Variants in IGSF11 observed in about 807,000 individuals in gnomAD.
IGSF11 encodes immunoglobulin superfamily member 11, also known as CXADR like 1.
Under a neutral mutation model 41.0 loss-of-function variants are expected in IGSF11, and 22 were observed. The ratio of observed to expected loss-of-function variants is 0.54; its 90% CI spans 0.38 to 0.77. The LOEUF is 0.77. Among genes scored for constraint, IGSF11 ranks in the 30% least tolerant of loss-of-function variants. IGSF11 has a pLI of 0.00. For missense variants in IGSF11, 444 were observed against 530.8 expected (o/e 0.84, Z 1.61); for synonymous variants, 219 against 201.3 (o/e 1.09, Z -0.74).
intron 1 of IGSF11, among the ~76,000 whole-genome samples, chr3:119,140,104 A>G (rs1422378799): frequency 1.3e-5 from 2 of 152,126 alleles, no homozygotes; most frequent in African/African-American, 4.8e-5. Context: ...CAAAAAATAT[A>G]TGACATATAT....
At chr3:119,001,471 T>C (rs1936842746) in intron 1 of IGSF11, among the ~76,000 whole-genome samples, 1 of 146,872 alleles carries the variant, frequency 6.8e-6, no homozygotes, top group Non-Finnish European at 1.5e-5. Context: ...GGTTTTCTTT[T>C]TTTTTTTTTT....
rs1293190180 is a variant in IGSF11 at position 119,092,588 on chromosome 3, C to T, written c.49+12556G>A. 3.9e-5 allele frequency among the ~76,000 whole-genome samples: 6 copies of T among 152,190 alleles called. No homozygotes were observed. In the East Asian group the frequency reaches 1.2e-3, roughly 29 times the overall value. ...CAGGTGATCCACTCCTCTCAGCCTC[C>T]CAAAGTGCGGGGATTACAGGAATGA... On this transcript the variant is annotated intron_variant, in intron 1 of 6. Coordinates refer to the IGSF11 transcript ENST00000354673.
intron 1 of IGSF11, among the ~76,000 whole-genome samples, chr3:119,100,501 G>A (rs138277427): frequency 3.0e-4 from 46 of 152,266 alleles, no homozygotes; most frequent in East Asian, 1.9e-3. Context: ...ATTCCCATAC[G>A]TTGCCTACTT....
intron 1 of IGSF11, among the ~76,000 whole-genome samples, chr3:118,980,688 G>A (rs1934625354): frequency 6.6e-6 from 1 of 152,122 alleles, no homozygotes; most frequent in South Asian, 2.1e-4. Flanking sequence ...AATGAAACGT[G>A]CCCAACACAC....
intron 3 of IGSF11, 148 bp from the exon 4 acceptor site, chr3:118,926,404 G>T (rs1351764161): frequency 1.3e-5 from 8 of 605,520 alleles, no homozygotes; most frequent in African/African-American, 3.8e-5. Flanking sequence ...CCTGAACCCA[G>T]GGGAGGCATG....
chr3:118,951,873 A>T lies in IGSF11; in HGVS notation c.53-21598T>A, dbSNP rs185183881. Reference sequence around the variant, plus strand: ...GTATGTTTTATCATTGTGTTTTTTTAAAATTTTTTCCCAAAATATTTTCAA... The same window carrying T: ...GTATGTTTTATCATTGTGTTTTTTTTAAATTTTTTCCCAAAATATTTTCAA... On this transcript the variant is annotated intron_variant, in intron 1 of 6. Transcript: ENST00000393775. Among the ~76,000 whole-genome samples, 450 of 152,244 alleles carry T rather than the reference A, an allele frequency of 3.0e-3. 2 individuals carry two copies. The highest frequency in any genetic ancestry group is 9.4e-3 in the African/African-American group (389 of 41,562).
At chr3:119,106,583 CA>C (rs557423011), upstream of IGSF11, among the ~76,000 whole-genome samples, 95 of 151,956 alleles carry the variant, frequency 6.3e-4, no homozygotes, top group African/African-American at 2.0e-3. Context: ...ACATGTCCCA[CA>C]TTTTTTTTTA....
intron 1 of IGSF11, among the ~76,000 whole-genome samples, chr3:119,063,114 T>G (rs1465521480): frequency 6.6e-6 from 1 of 152,104 alleles, no homozygotes; most frequent in Non-Finnish European, 1.5e-5. Context: ...GTAGCAAAAA[T>G]CAATAGGTCT....
chr3:118,926,421 T>C (rs1011979084), intron 3 of IGSF11, among the ~76,000 whole-genome samples, 165 bp from the exon 4 acceptor site: 41 of 152,142 alleles, frequency 2.7e-4, no homozygotes, highest in Non-Finnish European at 5.6e-4. Context: ...CATGTACCAA[T>C]TCACGAGGCT....
intron 1 of IGSF11, among the ~76,000 whole-genome samples, chr3:119,134,719 T>A (rs1383913626): frequency 6.6e-6 from 1 of 152,082 alleles, no homozygotes; most frequent in African/African-American, 2.4e-5. Flanking sequence ...CTAAAGTTCA[T>A]ATGGAACCAA....
chr3:119,034,881 C>T (rs1940800034), upstream of IGSF11: 3 of 1,149,438 alleles, frequency 2.6e-6, no homozygotes, highest in Non-Finnish European at 3.2e-6. Context: ...GAGCCACTCC[C>T]CCCAACTCAC....
chr3:118,984,867 G>A (rs1375979634), intron 1 of IGSF11, among the ~76,000 whole-genome samples: 1 of 152,140 alleles, frequency 6.6e-6, no homozygotes, highest in African/African-American at 2.4e-5. Flanking sequence ...AAAACTGACT[G>A]AAAGCTGCCA....
intron 1 of IGSF11, among the ~76,000 whole-genome samples, chr3:119,016,811 T>C (rs997211169): frequency 6.6e-6 from 1 of 152,114 alleles, no homozygotes; most frequent in Admixed American, 6.5e-5. Context: ...CTAGTCTAAA[T>C]CCCACTCAGA....
rs199524952 is a variant in IGSF11 at position 119,076,797 on chromosome 3, CT to C, written c.49+28346del. 8.6e-4 allele frequency among the ~76,000 whole-genome samples: 128 copies of C among 149,036 alleles called. 2 individuals carry two copies. Among genetic ancestry groups the C allele is most frequent in the Middle Eastern group, 3.4e-3 (1 of 292 alleles). On this transcript the variant is annotated intron_variant, in intron 1 of 6. Coordinates refer to the IGSF11 transcript ENST00000354673. ...GAGAGGATGTGGAGAAATAGGAACA[CT>C]TTTTTTTTTTACGTTGTTGGTGGGA...
chr3:119,083,777 T>G (rs2107484915), intron 1 of IGSF11, among the ~76,000 whole-genome samples: 1 of 152,354 alleles, frequency 6.6e-6, no homozygotes, highest in African/African-American at 2.4e-5. Context: ...ACACAGTATT[T>G]GCTAATGATA....
At chr3:118,975,678 T>C (rs1415243770) in intron 1 of IGSF11, among the ~76,000 whole-genome samples, 1 of 152,216 alleles carries the variant, frequency 6.6e-6, no homozygotes, top group African/African-American at 2.4e-5. Flanking sequence ...CATGGAATAC[T>C]ATGCAGCCAC....
chr3:119,013,217 A>C (rs1389531844), intron 1 of IGSF11: 1 of 152,226 alleles, frequency 6.6e-6, no homozygotes, highest in African/African-American at 2.4e-5. Context: ...CCATCCTTCT[A>C]GGCTCACTTC....
chr3:119,107,338 G>A (rs1186435838), upstream of IGSF11, among the ~76,000 whole-genome samples: 4 of 152,250 alleles, frequency 2.6e-5, no homozygotes, highest in African/African-American at 4.8e-5. Flanking sequence ...CTGATGGCCA[G>A]TGATGATGAG....
chr3:119,142,710 C>T (rs1432021593), intron 1 of IGSF11, among the ~76,000 whole-genome samples: 2 of 152,018 alleles, frequency 1.3e-5, no homozygotes, highest in Admixed American at 1.3e-4. Flanking sequence ...GAAAATGTTA[C>T]AAATTTGATA....
Sources: allele counts gnomAD v4.1 joint callset (sites outside exome capture counted in the v4.1 genomes callset), GRCh38; gene constraint gnomAD v4.1.1; transcripts MANE v1.5; gene names NCBI Gene and HGNC (gene_info 2026-07-23, HGNC 2026-07-21).